The following LRRTM4 variants were observed in gnomAD, a reference collection of about 807,000 sequenced individuals.
LRRTM4 encodes leucine rich repeat transmembrane neuronal 4.
Under a neutral mutation model 47.6 loss-of-function variants are expected in LRRTM4, and 25 were observed. The ratio of observed to expected loss-of-function variants is 0.53; its 90% confidence interval spans 0.38 to 0.73. LRRTM4 has a LOEUF of 0.73. Among genes scored for constraint, LRRTM4 ranks in the 30% least tolerant of loss-of-function variants. The pLI, the probability that LRRTM4 is intolerant of heterozygous loss-of-function variation, is 0.00. For synonymous variants in LRRTM4, 311 were observed against 269.5 expected (o/e 1.15, Z -1.51); for missense variants, 638 against 713.4 (o/e 0.89, Z 1.20).
At chr2:77,007,599 C>T (rs902920607) in intron 3 of LRRTM4, among the ~76,000 whole-genome samples, 2 of 152,134 alleles carry the variant, frequency 1.3e-5, no homozygotes, top group Non-Finnish European at 2.9e-5. Flanking sequence ...AAAATGGCAA[C>T]ATAGGTTTGT....
intron 3 of LRRTM4, among the ~76,000 whole-genome samples, chr2:76,863,625 A>G: frequency 6.6e-6 from 1 of 152,172 alleles, no homozygotes; most frequent in East Asian, 1.9e-4. Flanking sequence ...ATATTTATTT[A>G]TCTTTTATTC....
At position 77,299,846 on chromosome 2, in the gene LRRTM4, G is replaced by A. The variant is rs189286360; in HGVS notation, c.1551+218472C>T. Among the ~76,000 whole-genome samples the A allele has an allele frequency of 4.2e-3, 576 of 135,562 alleles. 3 individuals are homozygous for A. The highest frequency in any genetic ancestry group is 6.9e-3 in the Non-Finnish European group (455 of 65,718). 88.9% of individuals were successfully genotyped at this position (135,562 alleles called of 152,430 possible). A position where few individuals can be genotyped will look rare whatever the true frequency, so the allele number is the denominator to read the frequency against. ...GTGTGAGGACATGATGTAAGGTAAT[G>A]ATTTTTTTTTTTTTTTTTTTTTTTT... On this transcript the variant is annotated intron_variant, in intron 3 of 3. Transcript: ENST00000409884.
rs145027105 is a variant in LRRTM4, at chr2:76,805,459, T to C, written c.1552-56543A>G. Among the ~76,000 whole-genome samples the C allele has an allele frequency of 4.6e-5, 7 of 152,260 alleles. No homozygotes were observed. The East Asian group carries it at 1.4e-3, about 29-fold the overall frequency. ...TTCAGGGGCTCAAGTAACATATATT[T>C]AAACATATTGAAGATTTGCTGTAGT... On this transcript the variant is annotated intron_variant, in intron 3 of 3. Coordinates refer to ENST00000409884, the MANE Select transcript of LRRTM4 (RefSeq NM_001134745.3).
intron 3 of LRRTM4, among the ~76,000 whole-genome samples, chr2:76,926,121 T>C (rs1674581922): frequency 1.3e-5 from 2 of 152,174 alleles, no homozygotes; most frequent in Non-Finnish European, 2.9e-5. Flanking sequence ...TTTTCATAAA[T>C]TGATAAATAA....
At chr2:77,200,383 T>C (rs1166106115) in intron 3 of LRRTM4, among the ~76,000 whole-genome samples, 2 of 152,126 alleles carry the variant, frequency 1.3e-5, no homozygotes, top group African/African-American at 4.8e-5. Context: ...AACATTTAAA[T>C]ACATTTATAT....
In LRRTM4 at chr2:76,795,807, GA is replaced by G. The variant is rs572412930; in HGVS notation, c.1552-46892del. ...CACTATCAGAAAAGAAAAGTGAAGG[GA>G]GGAGCCAAGATGGCCAAATAGGAAC... On this transcript the variant is annotated intron_variant, in intron 3 of 3. Coordinates refer to ENST00000409884, the MANE Select transcript of LRRTM4 (RefSeq NM_001134745.3). Among the ~76,000 whole-genome samples, 1,060 of 152,096 alleles carry G rather than the reference GA, an allele frequency of 7.0e-3. 7 individuals are homozygous for G. The highest frequency in any genetic ancestry group is 8.4e-3 in the Non-Finnish European group (571 of 67,986).
chr2:76,910,544 G>A (rs545712733), intron 3 of LRRTM4, among the ~76,000 whole-genome samples: 4 of 152,058 alleles, frequency 2.6e-5, no homozygotes, highest in Non-Finnish European at 4.4e-5. Flanking sequence ...TTATTACGAA[G>A]AAATATTTGT....
intron 3 of LRRTM4, among the ~76,000 whole-genome samples, chr2:77,235,184 A>G (rs981144693): frequency 2.6e-5 from 4 of 152,148 alleles, no homozygotes; most frequent in Non-Finnish European, 5.9e-5. Flanking sequence ...ATAGTGCCAC[A>G]ATGAGCATGT....
chr2:77,043,517 T>C lies in LRRTM4; in HGVS notation c.1552-294601A>G, dbSNP rs141146452. On this transcript the variant is annotated intron_variant, in intron 3 of 3. Transcript: ENST00000409884. ...CCTAAAGATGCCTAAACGAATGTCA[T>C]TGTGTTCAATTTATGTAGTCTACTG... Among the ~76,000 whole-genome samples, 167 of 151,910 alleles carry C rather than the reference T, an allele frequency of 1.1e-3. 1 individual carries two copies. The highest frequency in any genetic ancestry group is 3.6e-3 in the African/African-American group (151 of 41,522).
At chr2:76,819,642 A>C (rs556934866) in intron 3 of LRRTM4, among the ~76,000 whole-genome samples, 1 of 152,032 alleles carries the variant, frequency 6.6e-6, no homozygotes, top group Non-Finnish European at 1.5e-5. Flanking sequence ...CACAACAGTA[A>C]TACTTGCTTA....
At chr2:77,103,963 G>A (rs950609062) in intron 3 of LRRTM4, among the ~76,000 whole-genome samples, 1 of 151,976 alleles carries the variant, frequency 6.6e-6, no homozygotes, top group Admixed American at 6.6e-5. Context: ...TCTGTCCCTG[G>A]ATTTCAAACT....
intron 3 of LRRTM4, among the ~76,000 whole-genome samples, chr2:76,941,043 G>T (rs966659242): frequency 6.6e-6 from 1 of 152,040 alleles, no homozygotes; most frequent in Non-Finnish European, 1.5e-5. Context: ...TAAATTTGTG[G>T]CTTGAATTTG....
At chr2:76,838,115 AAG>A (rs1671570698) in intron 3 of LRRTM4, among the ~76,000 whole-genome samples, 1 of 151,850 alleles carries the variant, frequency 6.6e-6, no homozygotes, top group African/African-American at 2.4e-5. Flanking sequence ...AGAATGGAAG[AAG>A]AAGAAAAAAT....
chr2:76,845,231 C>T (rs1433093341), intron 3 of LRRTM4, among the ~76,000 whole-genome samples: 2 of 152,150 alleles, frequency 1.3e-5, no homozygotes, highest in Non-Finnish European at 2.9e-5. Context: ...TGGCTCACGT[C>T]TGTAATTCCA....
intron 3 of LRRTM4, among the ~76,000 whole-genome samples, chr2:77,472,931 C>A (rs1020281575): frequency 5.3e-5 from 8 of 152,134 alleles, no homozygotes; most frequent in African/African-American, 2.4e-5. Context: ...CTTTTGCTCA[C>A]AGCAATCTCA....
intron 3 of LRRTM4, among the ~76,000 whole-genome samples, chr2:77,296,372 C>G (rs1676972657): frequency 6.6e-6 from 1 of 152,098 alleles, no homozygotes; most frequent in South Asian, 2.1e-4. Context: ...TGGGAGATAG[C>G]ATCTTCGATT....
intron 3 of LRRTM4, among the ~76,000 whole-genome samples, chr2:77,340,238 G>A (rs534426465): frequency 2.6e-5 from 4 of 151,906 alleles, no homozygotes; most frequent in Admixed American, 2.0e-4. Flanking sequence ...AACATAGAGT[G>A]GTGGTTGAGA....
chr2:76,880,444 T>C (rs1242167814), intron 3 of LRRTM4, among the ~76,000 whole-genome samples: 3 of 152,152 alleles, frequency 2.0e-5, no homozygotes, highest in Non-Finnish European at 4.4e-5. Flanking sequence ...TAAGATATTT[T>C]CACCTTTTTA....
intron 3 of LRRTM4, among the ~76,000 whole-genome samples, chr2:77,496,046 T>C (rs978036570): frequency 6.6e-6 from 1 of 151,904 alleles, no homozygotes; most frequent in Non-Finnish European, 1.5e-5. Context: ...TCAGCAATAT[T>C]TGTGGTTTTC....
Sources: gnomAD v4.1 joint callset for allele counts (sites outside exome capture counted in the v4.1 genomes callset) on GRCh38, gnomAD v4.1.1 for gene constraint, MANE v1.5 for transcripts, NCBI Gene and HGNC (gene_info 2026-07-23, HGNC 2026-07-21) for gene names.